Variants in SGMS1 observed in about 807,000 individuals in gnomAD.
SGMS1 encodes phosphatidylcholine:ceramide cholinephosphotransferase 1.
Under a neutral mutation model 46.2 loss-of-function variants are expected in SGMS1, and 13 were observed. The ratio of observed to expected loss-of-function variants is 0.28; its 90% CI spans 0.18 to 0.45. The LOEUF (loss-of-function observed/expected upper bound fraction) is 0.45. Ranked by LOEUF, SGMS1 falls within the 20% of genes least tolerant of loss-of-function variation. The probability of loss-of-function intolerance (pLI) is 1.00; values close to 1 mark genes in which losing one functional copy is unlikely to be tolerated. For synonymous variants in SGMS1, 203 were observed against 187.8 expected, an observed-to-expected ratio of 1.08 and a Z score of -0.66; for missense variants, 324 against 519.9, an observed-to-expected ratio of 0.62 and a Z score of 3.66.
intron 2 of SGMS1, among the ~76,000 whole-genome samples, chr10:50,548,329 A>G (rs528707030): frequency 2.8e-4 from 43 of 152,334 alleles, no homozygotes; most frequent in Admixed American, 1.4e-3. Flanking sequence ...GGCTACAATA[A>G]CCAAAACAGC....
intron 3 of SGMS1, among the ~76,000 whole-genome samples, chr10:50,498,493 G>A (rs1446012380): frequency 6.6e-6 from 1 of 152,054 alleles, no homozygotes; most frequent in Admixed American, 6.6e-5. Flanking sequence ...CTCAGCCCCT[G>A]GAAACCACCA....
At chr10:50,552,137 G>C (rs965958326) in intron 2 of SGMS1, among the ~76,000 whole-genome samples, 3 of 152,200 alleles carry the variant, frequency 2.0e-5, no homozygotes, top group Non-Finnish European at 2.9e-5. Flanking sequence ...TTGGTCTAGA[G>C]AATCAAGTCC....
At chr10:50,386,254 C>T (rs1184511513) in intron 6 of SGMS1, among the ~76,000 whole-genome samples, 1 of 152,178 alleles carries the variant, frequency 6.6e-6, no homozygotes, top group Non-Finnish European at 1.5e-5. Context: ...CGCAGCCTTT[C>T]TGGATTTAAC....
intron 6 of SGMS1, among the ~76,000 whole-genome samples, chr10:50,348,563 AC>A (rs1373731969): frequency 6.6e-6 from 1 of 152,166 alleles, no homozygotes; most frequent in Non-Finnish European, 1.5e-5. Flanking sequence ...ACTCCCATTC[AC>A]AATTGCTACA....
chr10:50,430,196 G>A (rs1849388142), intron 6 of SGMS1, among the ~76,000 whole-genome samples: 2 of 152,054 alleles, frequency 1.3e-5, no homozygotes, highest in Admixed American at 1.3e-4. Context: ...GCACCATGAT[G>A]TTACCAAAGA....
intron 7 of SGMS1, chr10:50,340,271 G>A (rs1191976180): frequency 9.2e-5 from 14 of 152,186 alleles, no homozygotes; most frequent in Admixed American, 8.5e-4. Flanking sequence ...TCACACATAG[G>A]TGCCACTGTG....
chr10:50,399,234 A>T (rs1340668916), intron 6 of SGMS1, among the ~76,000 whole-genome samples: 3 of 152,130 alleles, frequency 2.0e-5, no homozygotes, highest in African/African-American at 7.2e-5. Context: ...GTAACTAAGG[A>T]AGGATGTGCT....
intron 2 of SGMS1, among the ~76,000 whole-genome samples, chr10:50,583,256 G>C (rs754347522): frequency 9.2e-5 from 14 of 151,992 alleles, no homozygotes; most frequent in Non-Finnish European, 1.8e-4. Flanking sequence ...TCTCCTAAAG[G>C]TCAAACAAGA....
At chr10:50,356,998 A>G (rs1027755269) in intron 6 of SGMS1, among the ~76,000 whole-genome samples, 1 of 152,112 alleles carries the variant, frequency 6.6e-6, no homozygotes, top group Admixed American at 6.5e-5. Context: ...AGCATGCAGC[A>G]CACCAACATG....
At chr10:50,358,237 T>C (rs965261481) in intron 6 of SGMS1, among the ~76,000 whole-genome samples, 2 of 152,228 alleles carry the variant, frequency 1.3e-5, no homozygotes, top group Non-Finnish European at 2.9e-5. Flanking sequence ...AAGATCAAAA[T>C]CTTGCGGACA....
upstream of SGMS1, chr10:50,624,942 C>A: frequency 9.8e-7 from 1 of 1,018,324 alleles, no homozygotes; most frequent in South Asian, 3.1e-5. Flanking sequence ...CGCGGCGCTC[C>A]GGGCAGCCAT....
intron 6 of SGMS1, among the ~76,000 whole-genome samples, chr10:50,407,377 G>A (rs907490121): frequency 1.3e-5 from 2 of 152,172 alleles, no homozygotes; most frequent in East Asian, 3.8e-4. Flanking sequence ...TACATTTTCT[G>A]TATAGAAATT....
chr10:50,577,310 CTA>C (rs1425923319), intron 2 of SGMS1, among the ~76,000 whole-genome samples: 1 of 152,166 alleles, frequency 6.6e-6, no homozygotes, highest in African/African-American at 2.4e-5. Context: ...AAACCCTTGT[CTA>C]TGTCTTTAAT....
intron 2 of SGMS1, among the ~76,000 whole-genome samples, chr10:50,531,189 T>C (rs940361896): frequency 6.6e-6 from 1 of 152,226 alleles, no homozygotes; most frequent in Admixed American, 6.5e-5. Flanking sequence ...CACCACCTGA[T>C]TGATCTGAAG....
rs534378353 is a variant in SGMS1, at chr10:50,446,921, GTTTC to G, written c.-312-13369_-312-13366del. On this transcript the variant is annotated intron_variant, in intron 5 of 10. Transcript: ENST00000361781. Reference sequence around the variant, plus strand: ...ATATGGTCTCTCACAGGTCAAAAGTGTTTCTTTCTTATCTTGGGGAACAACTTCT... The same window carrying G: ...ATATGGTCTCTCACAGGTCAAAAGTGTTTCTTATCTTGGGGAACAACTTCT... 9.9e-4 allele frequency among the ~76,000 whole-genome samples: 151 copies of G among 152,250 alleles called. No individual in the cohort carries two copies. The Middle Eastern group carries it at 0.014, about 14-fold the overall frequency.
intron 8 of SGMS1, among the ~76,000 whole-genome samples, chr10:50,324,695 T>A (rs1198957589): frequency 6.6e-6 from 1 of 152,242 alleles, no homozygotes; most frequent in Non-Finnish European, 1.5e-5. Context: ...AAATATTCTG[T>A]TAACAAGCTA....
At chr10:50,612,665 A>T (rs1014645351) in intron 1 of SGMS1, among the ~76,000 whole-genome samples, 7 of 152,254 alleles carry the variant, frequency 4.6e-5, no homozygotes, top group African/African-American at 1.7e-4. Context: ...TCCAGGTTTT[A>T]CATTCCTAGC....
intron 1 of SGMS1, among the ~76,000 whole-genome samples, chr10:50,623,364 G>A (rs1838874932): frequency 6.6e-6 from 1 of 152,080 alleles, no homozygotes; most frequent in African/African-American, 2.4e-5. Flanking sequence ...TCCGACACCA[G>A]GCAGCCTTCC....
At chr10:50,531,154 G>A (rs2133804237) in intron 2 of SGMS1, among the ~76,000 whole-genome samples, 1 of 152,234 alleles carries the variant, frequency 6.6e-6, no homozygotes, top group African/African-American at 2.4e-5. Flanking sequence ...CTTAGCTAGG[G>A]CAGGCACCAT....
Sources: gnomAD v4.1 joint callset for allele counts (sites outside exome capture counted in the v4.1 genomes callset) on GRCh38, gnomAD v4.1.1 for gene constraint, MANE v1.5 for transcripts, NCBI Gene and HGNC (gene_info 2026-07-23, HGNC 2026-07-21) for gene names.